The following MAP4K4 variants were observed in gnomAD, a reference collection of about 807,000 sequenced individuals.
MAP4K4 encodes HPK/GCK-like kinase HGK.
A neutral mutation model predicts 189.6 loss-of-function variants in MAP4K4; 38 were observed. The ratio of observed to expected loss-of-function variants is 0.20; its 90% CI spans 0.15 to 0.26. MAP4K4 has a LOEUF of 0.26. Ranked by LOEUF, MAP4K4 falls within the 10% of genes least tolerant of loss-of-function variation. MAP4K4 has a pLI of 1.00. For missense variants in MAP4K4, 1,054 were observed against 1,726.9 expected (o/e 0.61, Z 6.91); for synonymous variants, 610 against 624.3 (o/e 0.98, Z 0.34).
chr2:101,777,373 A>G (rs2084792054), intron 2 of MAP4K4, among the ~76,000 whole-genome samples: 1 of 152,130 alleles, frequency 6.6e-6, no homozygotes, highest in Non-Finnish European at 1.5e-5. Context: ...GGAGTGGAGA[A>G]CCTGAAGCTT....
intron 19 of MAP4K4, 49 bp downstream of exon 19, chr2:101,866,628 A>T: frequency 6.3e-7 from 1 of 1,587,932 alleles, no homozygotes; most frequent in Non-Finnish European, 8.6e-7. Flanking sequence ...TTGAGCTGTG[A>T]TCCATATCTT....
chr2:101,856,075 G>A lies in MAP4K4; in HGVS notation c.1332G>A (p.Arg444=), dbSNP rs983816155. The A allele has an allele frequency of 1.9e-6, 3 of 1,551,534 alleles. No homozygotes were observed. The African/African-American group carries it at 4.1e-5, about 21-fold the overall frequency. ...GGCGTCTAGAGGAGTTGGAGAGAAG[G>A]CGCAAAGAAGAAGAGGAGAGGAGAC... is the stretch of plus-strand genomic sequence containing the variant. The change falls in exon 13 of 33, where the codon AGG becomes AGA. Residue 444 remains arginine (R), a synonymous_variant. Coordinates refer to ENST00000324219, the Ensembl canonical transcript of MAP4K4.
chr2:101,817,002 ATT>A (rs5832989), intron 3 of MAP4K4, among the ~76,000 whole-genome samples: 48 of 145,596 alleles, frequency 3.3e-4, no homozygotes, highest in Admixed American at 1.2e-3. Context: ...CTAAACTCTT[ATT>A]TTTTTTTTTT....
At chr2:101,775,450 T>C (rs2083567363) in intron 2 of MAP4K4, among the ~76,000 whole-genome samples, 1 of 152,064 alleles carries the variant, frequency 6.6e-6, no homozygotes, top group Admixed American at 6.6e-5. Context: ...TCTGAGAGGT[T>C]TGAAGGTTGT....
intron 10 of MAP4K4, among the ~76,000 whole-genome samples, chr2:101,841,419 A>G (rs1222228949): frequency 6.6e-6 from 1 of 152,048 alleles, no homozygotes; most frequent in Non-Finnish European, 1.5e-5. Flanking sequence ...TTTGTACGGA[A>G]CCATATTTTA....
chr2:101,807,766 G>T (rs2095094153), intron 3 of MAP4K4, among the ~76,000 whole-genome samples: 2 of 152,144 alleles, frequency 1.3e-5, no homozygotes, highest in Non-Finnish European at 2.9e-5. Context: ...GAGAAAGAAA[G>T]AGTGGGGGAG....
At chr2:101,770,317 T>A (rs1302496604) in intron 2 of MAP4K4, among the ~76,000 whole-genome samples, 1 of 147,036 alleles carries the variant, frequency 6.8e-6, no homozygotes, top group African/African-American at 2.6e-5. Flanking sequence ...GGCACGATCT[T>A]GGCTCACTGC....
intron 26 of MAP4K4, among the ~76,000 whole-genome samples, chr2:101,876,587 A>G (rs1171014864): frequency 6.6e-6 from 1 of 152,196 alleles, no homozygotes; most frequent in Non-Finnish European, 1.5e-5. Flanking sequence ...CCAATGAAAG[A>G]TGAGGAAGCA....
chr2:101,851,096 G>A (rs1243002676), intron 12 of MAP4K4, among the ~76,000 whole-genome samples: 1 of 152,172 alleles, frequency 6.6e-6, no homozygotes, highest in East Asian at 1.9e-4. Context: ...AGAATTGTGA[G>A]ATGAAAGCTT....
At chr2:101,720,104 ATGTC>A (rs1011514222) in intron 2 of MAP4K4, among the ~76,000 whole-genome samples, 6 of 152,014 alleles carry the variant, frequency 3.9e-5, no homozygotes, top group African/African-American at 1.4e-4. Flanking sequence ...AGGAAAAAAA[ATGTC>A]TGGACAGAGA....
At chr2:101,845,849 T>C (rs898757559) in intron 12 of MAP4K4, among the ~76,000 whole-genome samples, 3 of 150,512 alleles carry the variant, frequency 2.0e-5, no homozygotes, top group Non-Finnish European at 4.4e-5. Context: ...TTTACCTTTT[T>C]TCCCCCAGAA....
chr2:101,752,156 G>C (rs548813798), intron 2 of MAP4K4, among the ~76,000 whole-genome samples: 93 of 152,134 alleles, frequency 6.1e-4, no homozygotes, highest in Non-Finnish European at 1.1e-3. Context: ...TGTTTTTCCA[G>C]GGTTGTAAAG....
At chr2:101,887,044 A>G in intron 29 of MAP4K4, 44 bp from the exon 30 acceptor site, 1 of 1,168,904 alleles carries the variant, frequency 8.6e-7, no homozygotes, top group Admixed American at 3.1e-5. Flanking sequence ...AAAAAAAAAA[A>G]TGTTCTCCTT....
chr2:101,762,063 T>A (rs2076712918), intron 2 of MAP4K4, among the ~76,000 whole-genome samples: 1 of 152,108 alleles, frequency 6.6e-6, no homozygotes, highest in African/African-American at 2.4e-5. Context: ...TCTGAAAAAA[T>A]AGAACCGGGA....
chr2:101,738,410 AC>A (rs1190242522), intron 2 of MAP4K4, among the ~76,000 whole-genome samples: 2 of 152,214 alleles, frequency 1.3e-5, no homozygotes, highest in Admixed American at 1.3e-4. Context: ...GAAGTAACTT[AC>A]ATGCAGATTT....
intron 4 of MAP4K4, among the ~76,000 whole-genome samples, 194 bp from the exon 5 acceptor site, chr2:101,825,125 G>T (rs2096288351): frequency 6.6e-6 from 1 of 152,148 alleles, no homozygotes; most frequent in Non-Finnish European, 1.5e-5. Flanking sequence ...TCAGTCTTCT[G>T]GACCAAATAT....
exon 33 of MAP4K4, chr2:101,893,046 C>G (rs1396417735): frequency 4.4e-6 from 2 of 456,400 alleles, no homozygotes; most frequent in Non-Finnish European, 8.8e-6. Flanking sequence ...GGGGGATTTT[C>G]CCTCTGCTCC....
intron 2 of MAP4K4, among the ~76,000 whole-genome samples, chr2:101,771,044 A>G (rs1386037914): frequency 6.6e-6 from 1 of 152,238 alleles, no homozygotes; most frequent in Non-Finnish European, 1.5e-5. Flanking sequence ...TTACACAACT[A>G]AAACAGTATC....
intron 32 of MAP4K4, among the ~76,000 whole-genome samples, chr2:101,889,304 G>C (rs533182055): frequency 6.6e-6 from 1 of 152,274 alleles, no homozygotes; most frequent in South Asian, 2.1e-4. Context: ...ACATCAAAAG[G>C]TTCCTCTGAC....
Sources: gnomAD v4.1 joint callset for allele counts (sites outside exome capture counted in the v4.1 genomes callset) on GRCh38, gnomAD v4.1.1 for gene constraint, MANE v1.5 for transcripts, NCBI Gene and HGNC (gene_info 2026-07-23, HGNC 2026-07-21) for gene names.